Variants in CUX1 observed in about 807,000 individuals in gnomAD.
The protein encoded by CUX1 is cut like homeobox 1, also known as protein CASP.
A neutral mutation model predicts 158.8 loss-of-function variants in CUX1; 31 were observed. The ratio of observed to expected loss-of-function variants is 0.20; its 90% CI spans 0.15 to 0.26. CUX1 has a LOEUF of 0.26. Among genes scored for constraint, CUX1 ranks in the 10% least tolerant of loss-of-function variants. The pLI is 1.00. For missense variants in CUX1, 1,589 were observed against 2,014.6 expected (o/e 0.79, Z 4.04); for synonymous variants, 879 against 862.1 (o/e 1.02, Z -0.34).
At chr7:102,026,922 C>T (rs754800736) in intron 2 of CUX1, among the ~76,000 whole-genome samples, 2 of 150,902 alleles carry the variant, frequency 1.3e-5, no homozygotes, top group African/African-American at 2.4e-5. Flanking sequence ...GAAGCACTTT[C>T]TCAGTTACTT....
chr7:102,191,750 C>CTCCTCTTCTTCTTTCTTCCTCT (rs1330857655), intron 12 of CUX1, among the ~76,000 whole-genome samples: 2 of 151,614 alleles, frequency 1.3e-5, no homozygotes, highest in Admixed American at 6.6e-5. Flanking sequence ...TTTCTTCCTC[C>CTCCTCTTCTTCTTTCTTCCTCT]TCCTCTTCTT....
intron 1 of CUX1, among the ~76,000 whole-genome samples, chr7:101,895,988 C>T (rs896629620): frequency 2.1e-5 from 3 of 144,144 alleles, no homozygotes; most frequent in Admixed American, 7.4e-5. Context: ...CGGCTAATTG[C>T]GGCCTCAACC....
At position 102,249,480 on chromosome 7, in the gene CUX1, A is replaced by G. The variant is rs985442247; in HGVS notation, c.*438A>G. 77 of 985,670 alleles carry G rather than the reference A, an allele frequency of 7.8e-5. 1 individual carries two copies. The highest frequency in any genetic ancestry group is 8.9e-5 in the Non-Finnish European group (74 of 829,702). 61.1% of individuals were successfully genotyped at this position (985,670 alleles called of 1,614,324 possible). ...GTGGTCGAGCTTTTTTGTACCCTGA[A>G]GTGTTTTTTTTATTGCCCTAAGTGA... is the stretch of plus-strand genomic sequence containing the variant. On this transcript the variant is annotated 3_prime_UTR_variant, in exon 24 of 24. Transcript: ENST00000292535.
At position 102,253,072 on chromosome 7, in the gene CUX1, T is replaced by TC; in HGVS notation, c.*4033dup. The TC allele has an allele frequency of 1.0e-6, 1 of 985,446 alleles. No individual in the cohort carries two copies. Among genetic ancestry groups the TC allele is most frequent in the Non-Finnish European group, 1.2e-6 (1 of 829,930 alleles). 61.0% of individuals were successfully genotyped at this position (985,446 alleles called of 1,614,324 possible). A position where few individuals can be genotyped will look rare whatever the true frequency, so the allele number is the denominator to read the frequency against. On this transcript the variant is annotated 3_prime_UTR_variant, in exon 24 of 24. Transcript: ENST00000292535. ...CAGTCGACAGCCTCCCTGGGGTAGA[T>TC]CCCTTGTACCTCCAAAGTACAAATA...
At chr7:102,164,710 A>G (rs570046565) in intron 9 of CUX1, among the ~76,000 whole-genome samples, 1 of 152,312 alleles carries the variant, frequency 6.6e-6, no homozygotes, top group African/African-American at 2.4e-5. Context: ...AGTCAGTGAC[A>G]TGGAGTTACC....
intron 2 of CUX1, among the ~76,000 whole-genome samples, chr7:101,994,926 CAAA>C (rs796784920): frequency 2.1e-5 from 1 of 47,664 alleles, no homozygotes; most frequent in Non-Finnish European, 4.3e-5. Context: ...CTCATCTCTA[CAAA>C]AAAAAAAAAA....
chr7:102,056,420 G>A (rs946546225), intron 3 of CUX1, among the ~76,000 whole-genome samples: 7 of 152,084 alleles, frequency 4.6e-5, no homozygotes, highest in African/African-American at 7.2e-5. Context: ...TTTACCATTC[G>A]GAAAAATCCT....
chr7:102,257,239 C>T lies in CUX1; in HGVS notation c.*8197C>T. 1.8e-5 allele frequency: 18 copies of T among 985,328 alleles called. No homozygotes were observed. The highest frequency in any genetic ancestry group is 2.2e-5 in the Non-Finnish European group (18 of 829,908). 61.0% of individuals were successfully genotyped at this position (985,328 alleles called of 1,614,324 possible). ...TCCCCTTCTCCAAGATTGCCGGGGG[C>T]CCTGATTTTGTTCTCTCTTTGAAAG... is the stretch of plus-strand genomic sequence containing the variant. On this transcript the variant is annotated 3_prime_UTR_variant, in exon 24 of 24. Transcript: ENST00000292535.
intron 2 of CUX1, among the ~76,000 whole-genome samples, chr7:101,938,485 G>T (rs888004275): frequency 2.0e-5 from 3 of 152,200 alleles, no homozygotes; most frequent in Non-Finnish European, 2.9e-5. Flanking sequence ...GTGTCAATCA[G>T]TTCTTCACTG....
At chr7:102,032,786 A>G (rs1422272503) in intron 3 of CUX1, among the ~76,000 whole-genome samples, 2 of 152,248 alleles carry the variant, frequency 1.3e-5, no homozygotes, top group Non-Finnish European at 2.9e-5. Flanking sequence ...CGATTGATTG[A>G]TTATGATACC....
chr7:101,950,432 G>A (rs1333517841), intron 2 of CUX1, among the ~76,000 whole-genome samples: 1 of 151,802 alleles, frequency 6.6e-6, no homozygotes, highest in Non-Finnish European at 1.5e-5. Flanking sequence ...AAAAATTGTA[G>A]TAAAATACAC....
chr7:102,252,344 T>A lies in CUX1; in HGVS notation c.*3302T>A. 1 of 985,486 alleles carries A rather than the reference T, an allele frequency of 1.0e-6. No individual in the cohort carries two copies. Among genetic ancestry groups the A allele is most frequent in the Non-Finnish European group, 1.2e-6 (1 of 829,990 alleles). The allele number at this position is 985,486 out of a possible 1,614,324, so 61.0% of individuals were successfully genotyped here. On this transcript the variant is annotated 3_prime_UTR_variant, in exon 24 of 24. Coordinates refer to ENST00000292535, the MANE Select transcript of CUX1 (RefSeq NM_181552.4). ...AGTGTCCCCTCGGCATGGCTCCCCTTCAGCAGGCTGGCATTCCAAGCAGTG... is the reference window on the plus strand; with the variant it reads ...AGTGTCCCCTCGGCATGGCTCCCCTACAGCAGGCTGGCATTCCAAGCAGTG...
chr7:102,267,891 C>T (rs1302038521), intron 14 of CUX1, among the ~76,000 whole-genome samples: 1 of 151,932 alleles, frequency 6.6e-6, no homozygotes, highest in Non-Finnish European at 1.5e-5. Context: ...TGGTCTCAAA[C>T]ACCTGAGCTC....
At position 102,246,849 on chromosome 7, in the gene CUX1, C is replaced by T. The variant is rs537804926; in HGVS notation, c.3888-1563C>T. 3.1e-4 allele frequency among the ~76,000 whole-genome samples: 47 copies of T among 152,298 alleles called. No homozygotes were observed. In the East Asian group the frequency reaches 5.6e-3, roughly 18 times the overall value. ...CCTCCCAAAGTGCTGGGATTGCAGG[C>T]GTGAGCTACCATGCCCAGCCTCAGA... On this transcript the variant is annotated intron_variant, in intron 23 of 23. Coordinates refer to ENST00000292535, the MANE Select transcript of CUX1 (RefSeq NM_181552.4).
intron 16 of CUX1, chr7:102,274,462 C>G (rs566630729): frequency 1.6e-6 from 1 of 632,702 alleles, no homozygotes; most frequent in Admixed American, 2.9e-5. Flanking sequence ...TTCAAAGGGT[C>G]GGGTAAGGCT....
At chr7:101,924,701 G>A (rs1229871500) in intron 2 of CUX1, among the ~76,000 whole-genome samples, 6 of 151,798 alleles carry the variant, frequency 4.0e-5, no homozygotes, top group Admixed American at 3.9e-4. Context: ...GAGTAGCTGG[G>A]ACTACAGGCG....
At chr7:101,996,717 A>T (rs976460849) in intron 2 of CUX1, among the ~76,000 whole-genome samples, 1 of 121,838 alleles carries the variant, frequency 8.2e-6, no homozygotes, top group Non-Finnish European at 1.6e-5. Context: ...TCCCTCCCTT[A>T]CTTCCTTCCT....
chr7:101,868,827 G>C (rs931954761), intron 1 of CUX1, among the ~76,000 whole-genome samples: 11 of 148,794 alleles, frequency 7.4e-5, no homozygotes, highest in Non-Finnish European at 1.6e-4. Flanking sequence ...CATTTGTCGT[G>C]GGGGGATGGG....
chr7:101,883,549 G>C (rs922528506), intron 1 of CUX1, among the ~76,000 whole-genome samples: 1 of 151,928 alleles, frequency 6.6e-6, no homozygotes, highest in Non-Finnish European at 1.5e-5. Flanking sequence ...CATGGATCAT[G>C]CAATTGATCT....
Sources: gnomAD v4.1 joint callset for allele counts (sites outside exome capture counted in the v4.1 genomes callset) on GRCh38, gnomAD v4.1.1 for gene constraint, MANE v1.5 for transcripts, NCBI Gene and HGNC (gene_info 2026-07-23, HGNC 2026-07-21) for gene names.